ASB3: variants seen among roughly 807,000 people sequenced by gnomAD.
ASB3 encodes the protein ankyrin repeat and SOCS box protein 3.
ASB3 carries 41 observed loss-of-function variants against 54.5 expected under a neutral mutation model. The observed-to-expected ratio is 0.75, with a 90% CI of 0.59 to 0.98. The LOEUF (loss-of-function observed/expected upper bound fraction) is 0.98, where lower values mean the gene tolerates loss of function less well. ASB3 is among the 50% of genes least tolerant of loss of function. The probability of loss-of-function intolerance (pLI) is 0.00; values close to 1 mark genes in which losing one functional copy is unlikely to be tolerated. For synonymous variants in ASB3, 266 were observed against 221.2 expected (o/e 1.20, Z -1.80); for missense variants, 733 against 620.0 (o/e 1.18, Z -1.94).
At chr2:53,783,787 T>C (rs1311641021) in intron 1 of ASB3, among the ~76,000 whole-genome samples, 1 of 152,218 alleles carries the variant, frequency 6.6e-6, no homozygotes, top group African/African-American at 2.4e-5. Context: ...TTTTCAGACA[T>C]ATGAAGTCTG....
chr2:53,775,340 T>G (rs1195081914), intron 1 of ASB3: 1 of 133,994 alleles, frequency 7.5e-6, no homozygotes. Context: ...TATCTCAATT[T>G]GTGTGTGTGT....
intron 9 of ASB3, among the ~76,000 whole-genome samples, chr2:53,692,139 A>G (rs969905221): frequency 3.9e-5 from 6 of 152,186 alleles, no homozygotes; most frequent in African/African-American, 1.4e-4. Context: ...GTCTGCAGAC[A>G]TTGCCAAATG....
chr2:53,717,641 T>C (rs1238393567), intron 5 of ASB3, among the ~76,000 whole-genome samples: 3 of 152,170 alleles, frequency 2.0e-5, no homozygotes, highest in Admixed American at 6.5e-5. Flanking sequence ...AATCTAAATA[T>C]AGTGACACCA....
chr2:53,751,991 G>A lies in ASB3; in HGVS notation c.197-1050C>T, dbSNP rs114224909. ...ATTGAGATTAGTCGGAGATTAGTCA[G>A]ACATGACCCTTATTTCATGTATTAA... On this transcript the variant is annotated intron_variant, in intron 2 of 9. Coordinates refer to ENST00000263634, the MANE Select transcript of ASB3 (RefSeq NM_016115.5). Among the ~76,000 whole-genome samples the A allele has an allele frequency of 8.9e-3, 1,359 of 152,274 alleles. 18 individuals are homozygous for A. Among genetic ancestry groups the A allele is most frequent in the African/African-American group, 0.031 (1,295 of 41,568 alleles).
intron 1 of ASB3, among the ~76,000 whole-genome samples, chr2:53,770,766 A>G (rs192686001): frequency 2.4e-4 from 37 of 152,334 alleles, no homozygotes; most frequent in African/African-American, 8.7e-4. Context: ...TGGGAAAATA[A>G]AATTGCCTAG....
rs1195017138 is a variant in ASB3 at position 53,721,398 on chromosome 2, CAAAAAAAA to C, written c.605-4663_605-4656del. On this transcript the variant is annotated intron_variant, in intron 5 of 9. Coordinates refer to ENST00000263634, the MANE Select transcript of ASB3 (RefSeq NM_016115.5). ...GTGAAACCCCATCTCTACTAAACTA[CAAAAAAAA>C]AAAAAAAAAAAAAAATTAGCCAGAC... Among the ~76,000 whole-genome samples the C allele has an allele frequency of 4.5e-4, 39 of 87,362 alleles. No individual in the cohort carries two copies. In the South Asian group the frequency reaches 9.0e-3, roughly 20 times the overall value. The allele number at this position is 87,362 out of a possible 152,430, so 57.3% of individuals were successfully genotyped here.
intron 9 of ASB3, among the ~76,000 whole-genome samples, chr2:53,684,299 C>A (rs1340731898): frequency 6.6e-6 from 1 of 152,220 alleles, no homozygotes; most frequent in Non-Finnish European, 1.5e-5. Context: ...AATGGACAGA[C>A]TATGAGAAGC....
chr2:53,715,690 G>A (rs967573716), intron 6 of ASB3, among the ~76,000 whole-genome samples: 2 of 151,980 alleles, frequency 1.3e-5, no homozygotes, highest in Admixed American at 6.6e-5. Flanking sequence ...ATTTTTTTAA[G>A]TAGGTGGGAA....
chr2:53,693,789 T>C, intron 9 of ASB3, 95 bp downstream of exon 9: 1 of 1,488,918 alleles, frequency 6.7e-7, no homozygotes, highest in Non-Finnish European at 9.0e-7. Flanking sequence ...TAATTTGTGT[T>C]CACCGATGAA....
intron 7 of ASB3, among the ~76,000 whole-genome samples, chr2:53,710,917 G>A (rs571353132): frequency 5.9e-5 from 9 of 151,968 alleles, no homozygotes; most frequent in Admixed American, 3.3e-4. Context: ...ACCTGAGCTC[G>A]GAGTTCAAGA....
At chr2:53,721,474 G>C (rs1404392310) in intron 5 of ASB3, among the ~76,000 whole-genome samples, 1 of 151,890 alleles carries the variant, frequency 6.6e-6, no homozygotes, top group African/African-American at 2.4e-5. Context: ...AGGAGACTGA[G>C]GCAGGAGAAT....
intron 3 of ASB3, among the ~76,000 whole-genome samples, chr2:53,743,282 C>G (rs578217501): frequency 6.6e-6 from 1 of 151,124 alleles, no homozygotes; most frequent in African/African-American, 2.4e-5. Context: ...TGGGAATACA[C>G]GCGTGAGCAA....
intron 6 of ASB3, among the ~76,000 whole-genome samples, chr2:53,715,562 C>T (rs941197931): frequency 5.3e-5 from 8 of 152,050 alleles, no homozygotes; most frequent in African/African-American, 1.9e-4. Context: ...GTTCAGAGTA[C>T]AATATCTAAC....
chr2:53,738,556 C>A (rs146827133), intron 3 of ASB3, among the ~76,000 whole-genome samples: 71 of 152,238 alleles, frequency 4.7e-4, no homozygotes, highest in African/African-American at 1.6e-3. Flanking sequence ...AGATATAGGA[C>A]AATTCCAAGT....
intron 2 of ASB3, among the ~76,000 whole-genome samples, chr2:53,759,478 C>T (rs1418301139): frequency 6.6e-6 from 1 of 152,134 alleles, no homozygotes; most frequent in African/African-American, 2.4e-5. Context: ...CTTCAAAAGT[C>T]CGCCTTAGGC....
chr2:53,727,579 T>C (rs1003961320), intron 5 of ASB3, among the ~76,000 whole-genome samples: 7 of 152,188 alleles, frequency 4.6e-5, no homozygotes, highest in African/African-American at 1.4e-4. Flanking sequence ...AAGGTTACAA[T>C]GAGCTGTGAT....
intron 3 of ASB3, 130 bp downstream of exon 3, chr2:53,750,653 G>T: frequency 9.9e-7 from 1 of 1,006,260 alleles, no homozygotes; most frequent in Non-Finnish European, 1.3e-6. Flanking sequence ...AAAAATCAAG[G>T]AAGTAGTGGT....
At chr2:53,723,959 A>AAGACCTC (rs1670850591) in intron 5 of ASB3, among the ~76,000 whole-genome samples, 1 of 152,328 alleles carries the variant, frequency 6.6e-6, no homozygotes, top group South Asian at 2.1e-4. Flanking sequence ...GTTTAAATGT[A>AAGACCTC]AGACCTCAAA....
intron 7 of ASB3, among the ~76,000 whole-genome samples, chr2:53,707,661 AG>A (rs1186781454): frequency 6.7e-6 from 1 of 148,290 alleles, no homozygotes; most frequent in Non-Finnish European, 1.5e-5. Context: ...AAAAAAAAAA[AG>A]AAAGAAATGC....
Sources: gnomAD v4.1 joint callset for allele counts (sites outside exome capture counted in the v4.1 genomes callset) on GRCh38, gnomAD v4.1.1 for gene constraint, MANE v1.5 for transcripts, NCBI Gene and HGNC (gene_info 2026-07-23, HGNC 2026-07-21) for gene names.